PCNX2: variants seen among roughly 807,000 people sequenced by gnomAD.
The protein encoded by PCNX2 is pecanex-like protein 2.
In PCNX2, 168 loss-of-function variants were observed where a neutral mutation model predicts 223.8. That is an observed-to-expected ratio of 0.75 (90% CI 0.66 to 0.85). PCNX2 has a LOEUF of 0.85. PCNX2 is among the 40% of genes least tolerant of loss of function. The pLI is 0.00. For missense variants in PCNX2, 2,507 were observed against 2,675.5 expected (o/e 0.94, Z 1.39); for synonymous variants, 1,006 against 1,052.6 (o/e 0.96, Z 0.86).
chr1:233,248,859 C>T (rs1659285091), intron 8 of PCNX2, among the ~76,000 whole-genome samples: 1 of 152,194 alleles, frequency 6.6e-6, no homozygotes, highest in African/African-American at 2.4e-5. Flanking sequence ...CACCCCAACA[C>T]AACCTCACCA....
chr1:233,179,753 G>T (rs1679687410), intron 15 of PCNX2, among the ~76,000 whole-genome samples: 1 of 152,180 alleles, frequency 6.6e-6, no homozygotes, highest in African/African-American at 2.4e-5. Flanking sequence ...CCAGTTAGTT[G>T]CTTTGGCTTA....
intron 21 of PCNX2, among the ~76,000 whole-genome samples, chr1:233,125,104 G>C (rs1676023118): frequency 6.6e-6 from 1 of 152,200 alleles, no homozygotes; most frequent in African/African-American, 2.4e-5. Context: ...CTCTGTTTCA[G>C]GACCACCATG....
intron 21 of PCNX2, among the ~76,000 whole-genome samples, chr1:233,111,824 A>G (rs926861426): frequency 2.6e-5 from 4 of 152,196 alleles, no homozygotes; most frequent in Non-Finnish European, 4.4e-5. Flanking sequence ...TTGTAGGATC[A>G]TAGTAGGTAT....
intron 20 of PCNX2, among the ~76,000 whole-genome samples, chr1:233,136,712 G>C (rs900865704): frequency 3.9e-5 from 6 of 152,286 alleles, no homozygotes; most frequent in Admixed American, 1.3e-4. Flanking sequence ...TGAAAATACA[G>C]TATGAAAAGA....
At position 233,208,564 on chromosome 1, in the gene PCNX2, C is replaced by CT; in HGVS notation, c.2816dup (p.Leu940AlafsTer11). On this transcript the variant is annotated frameshift_variant, in exon 13 of 34. Coordinates refer to ENST00000258229, the MANE Select transcript of PCNX2 (RefSeq NM_014801.4). LOFTEE classifies it high-confidence loss of function. The stretch of plus-strand genomic sequence containing the variant: ...ATTGTAGAAACACTGGAGAGAAGAG[C>CT]TTCAGGCCATACACAACGTAACTGG... 1 of 1,613,776 alleles carries CT rather than the reference C, an allele frequency of 6.2e-7. No individual in the cohort carries two copies. Among genetic ancestry groups the CT allele is most frequent in the Non-Finnish European group, 8.5e-7 (1 of 1,179,826 alleles).
At chr1:233,014,298 T>C (rs1277506764) in intron 28 of PCNX2, among the ~76,000 whole-genome samples, 2 of 152,008 alleles carry the variant, frequency 1.3e-5, no homozygotes, top group African/African-American at 2.4e-5. Flanking sequence ...TGAAGACAAT[T>C]AGGGGAAAGG....
chr1:233,321,281 T>C, the PCNX2 span, among the ~76,000 whole-genome samples: 4 of 152,034 alleles, frequency 2.6e-5, no homozygotes, highest in African/African-American at 9.7e-5. Flanking sequence ...ACTCAAAGAA[T>C]TACCCAAGCG....
intron 14 of PCNX2, among the ~76,000 whole-genome samples, chr1:233,199,942 C>A (rs550910325): frequency 1.3e-5 from 2 of 152,244 alleles, no homozygotes; most frequent in East Asian, 3.9e-4. Context: ...TGTCTCTGTG[C>A]TTACGCTCAA....
intron 28 of PCNX2, among the ~76,000 whole-genome samples, chr1:233,011,366 A>C (rs1337013040): frequency 6.6e-6 from 1 of 152,194 alleles, no homozygotes; most frequent in Non-Finnish European, 1.5e-5. Flanking sequence ...AAGCTTTAGC[A>C]AGCTAGGAAA....
At chr1:233,272,975 TAG>T (rs2103011638) in intron 1 of PCNX2, among the ~76,000 whole-genome samples, 1 of 151,942 alleles carries the variant, frequency 6.6e-6, no homozygotes, top group Admixed American at 6.5e-5. Context: ...AATGATACAA[TAG>T]ACTCTGGGGA....
At chr1:233,172,448 C>G in intron 17 of PCNX2, 1 of 985,358 alleles carries the variant, frequency 1.0e-6, no homozygotes, top group Non-Finnish European at 1.2e-6. Context: ...CTCAAGGATT[C>G]TCTTATTCTG....
In PCNX2 at chr1:233,252,723, T is replaced by C; in HGVS notation, c.1900A>G (p.Lys634Glu). Residue 634 changes from lysine to glutamate, a missense_variant, in exon 6 of 34, where the codon AAG becomes GAG. Transcript: ENST00000258229. Reference sequence around the variant, plus strand: ...CTTTGCAAATCTGGTTTTCCTTGCTTAGAACTGTGTCCACTGGGCTTTTCA... The same window carrying C: ...CTTTGCAAATCTGGTTTTCCTTGCTCAGAACTGTGTCCACTGGGCTTTTCA... The part of the protein sequence containing the change: ...ENEKPSGHSS[K>E]QGKPDLQSQD... 1 of 1,613,956 alleles carries C rather than the reference T, an allele frequency of 6.2e-7. No homozygotes were observed. Among genetic ancestry groups the C allele is most frequent in the Non-Finnish European group, 8.5e-7 (1 of 1,179,880 alleles).
intron 25 of PCNX2, among the ~76,000 whole-genome samples, chr1:233,035,526 C>T (rs1473624189): frequency 6.6e-6 from 1 of 152,164 alleles, no homozygotes; most frequent in Non-Finnish European, 1.5e-5. Flanking sequence ...ACTGAGGTGA[C>T]CAAGGGGGAT....
chr1:233,104,197 T>C (rs111576872), intron 21 of PCNX2, among the ~76,000 whole-genome samples: 2,526 of 151,946 alleles, frequency 0.017, 57 homozygotes, highest in African/African-American at 0.058. Context: ...TCCAAACATA[T>C]CAGTAATCTC....
At chr1:233,175,325 T>G (rs527606043) in intron 17 of PCNX2, among the ~76,000 whole-genome samples, 2 of 152,206 alleles carry the variant, frequency 1.3e-5, no homozygotes, top group Non-Finnish European at 2.9e-5. Flanking sequence ...TGCTCCACAC[T>G]GTACAAAGCA....
Position 233,261,349 on chromosome 1 carries a change from A to G in PCNX2, c.481-28T>C, listed in dbSNP as rs201092797. On this transcript the variant is annotated intron_variant, in intron 3 of 33. Coordinates refer to ENST00000258229, the MANE Select transcript of PCNX2 (RefSeq NM_014801.4). ...ACACAAATGAAAGAAACAAAAATCA[A>G]TAGATGACTCAGCTGACCGTCCATT... 44 of 1,609,056 alleles carry G rather than the reference A, an allele frequency of 2.7e-5. No individual in the cohort carries two copies. In the Admixed American group the frequency reaches 3.2e-4, roughly 12 times the overall value.
At chr1:233,042,381 T>C (rs530801928) in intron 25 of PCNX2, among the ~76,000 whole-genome samples, 96 of 152,348 alleles carry the variant, frequency 6.3e-4, no homozygotes, top group Non-Finnish European at 7.8e-4. Context: ...TTCTCTGCAG[T>C]GGTCCTTCTG....
intron 23 of PCNX2, among the ~76,000 whole-genome samples, chr1:233,082,185 G>A (rs764261393): frequency 2.0e-5 from 3 of 152,144 alleles, no homozygotes; most frequent in Non-Finnish European, 4.4e-5. Context: ...TAAGAAAAAT[G>A]AAAGTCTACT....
intron 1 of PCNX2, among the ~76,000 whole-genome samples, chr1:233,280,344 G>C (rs1260499316): frequency 6.8e-6 from 1 of 146,996 alleles, no homozygotes; most frequent in African/African-American, 2.5e-5. Context: ...CTGTCACCCA[G>C]GCTGGAGTGC....
Sources: allele counts gnomAD v4.1 joint callset (sites outside exome capture counted in the v4.1 genomes callset), GRCh38; gene constraint gnomAD v4.1.1; transcripts MANE v1.5; gene names NCBI Gene and HGNC (gene_info 2026-07-23, HGNC 2026-07-21).